Variants in PRADC1 observed in about 807,000 individuals in gnomAD.
The protein encoded by PRADC1 is protease associated domain containing 1.
PRADC1 carries 23 observed loss-of-function variants against 22.9 expected under a neutral mutation model. That is an observed-to-expected ratio of 1.00 (90% CI 0.72 to 1.42). The LOEUF (loss-of-function observed/expected upper bound fraction) is 1.42. PRADC1 is among the 40% of genes most tolerant of loss of function. The pLI is 0.00. For missense variants in PRADC1, 207 were observed against 258.3 expected, an observed-to-expected ratio of 0.80 and a Z score of 1.36; for synonymous variants, 71 against 100.3, an observed-to-expected ratio of 0.71 and a Z score of 1.75.
rs750415387 is a variant in PRADC1, at chr2:73,228,448, ACT to A, written c.*4_*5del. ...CACTTATGGCTGGAATGTGGGACAA[ACT>A]CTTCTACCAGAAGGTCCAGGGCGGT... On this transcript the variant is annotated 3_prime_UTR_variant, in exon 5 of 5. Coordinates refer to ENST00000258083, the MANE Select transcript of PRADC1 (RefSeq NM_032319.3). The surrounding 1 kb of genome is among the most constrained non-coding windows in gnomAD (Gnocchi z 4.0). 1 of 1,613,676 alleles carries A rather than the reference ACT, an allele frequency of 6.2e-7. No homozygotes were observed. Among genetic ancestry groups the A allele is most frequent in the Admixed American group, 1.7e-5 (1 of 60,004 alleles).
intron 1 of PRADC1, 80 bp from the exon 2 acceptor site, chr2:73,230,293 G>T: frequency 9.6e-7 from 1 of 1,037,090 alleles, no homozygotes; most frequent in Non-Finnish European, 1.5e-6. Context: ...TGTGTCTTCA[G>T]CTGGGCTGGC....
chr2:73,233,069 C>T, intron 1 of PRADC1, 25 bp downstream of exon 1: 2 of 1,533,164 alleles, frequency 1.3e-6, no homozygotes, highest in Non-Finnish European at 1.7e-6. Context: ...CGCCCTGCAA[C>T]GCAGTCCCAC....
rs144628724 is a variant in PRADC1, at chr2:73,228,682, C to T, written c.447-108G>A. On this transcript the variant is annotated intron_variant, in intron 4 of 4. Transcript: ENST00000258083. The surrounding 1 kb of genome is among the most constrained non-coding windows in gnomAD (Gnocchi z 4.0). ...CCAAAGCCCGAGATCTTTTTTTGCC[C>T]TCTAACTGAAGCACCCCAAGTTGAG... 3.8e-4 allele frequency: 607 copies of T among 1,590,622 alleles called. 5 individuals are homozygous for T. In the East Asian group the frequency reaches 0.01, roughly 27 times the overall value.
At chr2:73,229,317 C>A in intron 3 of PRADC1, 144 bp downstream of exon 3, 1 of 693,450 alleles carries the variant, frequency 1.4e-6, no homozygotes, top group Non-Finnish European at 2.5e-6. Context: ...AGGGTTTCTC[C>A]ATGTTGCCCA....
intron 3 of PRADC1, 50 bp from the exon 4 acceptor site, chr2:73,229,012 C>G (rs1686576471): frequency 2.6e-6 from 4 of 1,560,812 alleles, no homozygotes; most frequent in Admixed American, 3.7e-5. Flanking sequence ...CTAGCTCCCC[C>G]TTCCCCAGAC....
At position 73,228,668 on chromosome 2, in the gene PRADC1, G is replaced by A. The variant is rs1370599858; in HGVS notation, c.447-94C>T. ...TCAATCTGGGAGTTCCAAAGCCCGA[G>A]ATCTTTTTTTGCCCTCTAACTGAAG... On this transcript the variant is annotated intron_variant, in intron 4 of 4. Coordinates refer to ENST00000258083, the MANE Select transcript of PRADC1 (RefSeq NM_032319.3). This position sits in a 1 kb window ranked among gnomAD's most constrained non-coding sequence, Gnocchi z 4.0. 5.6e-6 allele frequency: 9 copies of A among 1,598,566 alleles called. No individual in the cohort carries two copies. The African/African-American group carries it at 9.4e-5, about 17-fold the overall frequency.
chr2:73,230,720 A>G (rs72905348), intron 1 of PRADC1, among the ~76,000 whole-genome samples: 2 of 152,242 alleles, frequency 1.3e-5, no homozygotes, highest in African/African-American at 2.4e-5. Flanking sequence ...TTATGAGCAC[A>G]TCACCATACC....
chr2:73,228,608 C>G lies in PRADC1; in HGVS notation c.447-34G>C. On this transcript the variant is annotated intron_variant, in intron 4 of 4. Coordinates refer to ENST00000258083, the MANE Select transcript of PRADC1 (RefSeq NM_032319.3). The surrounding 1 kb of genome is among the most constrained non-coding windows in gnomAD (Gnocchi z 4.0). ...GCATGAAGAGAGGTGGTGACGGTCACTTTCTTGGTACCCCATCATGCCCCA... is the reference window on the plus strand; with the variant it reads ...GCATGAAGAGAGGTGGTGACGGTCAGTTTCTTGGTACCCCATCATGCCCCA... 1 of 1,613,726 alleles carries G rather than the reference C, an allele frequency of 6.2e-7. No individual in the cohort carries two copies. Among genetic ancestry groups the G allele is most frequent in the South Asian group, 1.1e-5 (1 of 91,068 alleles).
At position 73,229,675 on chromosome 2, in the gene PRADC1, G is replaced by A. The variant is rs1686598771; in HGVS notation, c.169-105C>T. 2.1e-5 allele frequency: 18 copies of A among 839,922 alleles called. No individual in the cohort carries two copies. The South Asian group carries it at 2.7e-4, about 13-fold the overall frequency. 52.0% of individuals were successfully genotyped at this position (839,922 alleles called of 1,614,324 possible). A position where few individuals can be genotyped will look rare whatever the true frequency, so the allele number is the denominator to read the frequency against. Reference sequence around the variant, plus strand: ...TATTGGCACCTTATAAAGTGTGAAGGAAACATGGAGTGGTTTCTGTATCGC... The same window carrying A: ...TATTGGCACCTTATAAAGTGTGAAGAAAACATGGAGTGGTTTCTGTATCGC... On this transcript the variant is annotated intron_variant, in intron 2 of 4. Coordinates refer to ENST00000258083, the MANE Select transcript of PRADC1 (RefSeq NM_032319.3).
rs1027647131 is a variant in PRADC1 at position 73,228,695 on chromosome 2, A to G, written c.446+100T>C. ...TCTTTTTTTGCCCTCTAACTGAAGCACCCCAAGTTGAGGCCTGCAAGAAGG... is the reference window on the plus strand; with the variant it reads ...TCTTTTTTTGCCCTCTAACTGAAGCGCCCCAAGTTGAGGCCTGCAAGAAGG... On this transcript the variant is annotated intron_variant, in intron 4 of 4. Transcript: ENST00000258083. This position sits in a 1 kb window ranked among gnomAD's most constrained non-coding sequence, Gnocchi z 4.0. The G allele has an allele frequency of 1.9e-6, 3 of 1,584,756 alleles. No homozygotes were observed. The highest frequency in any genetic ancestry group is 2.6e-6 in the Non-Finnish European group (3 of 1,161,704).
At chr2:73,232,101 C>T (rs1686654017) in intron 1 of PRADC1, among the ~76,000 whole-genome samples, 1 of 151,970 alleles carries the variant, frequency 6.6e-6, no homozygotes, top group African/African-American at 2.4e-5. Flanking sequence ...TTTGGGAGGC[C>T]GAGGCGGGCA....
chr2:73,230,367 T>C lies in PRADC1; in HGVS notation c.68-154A>G, dbSNP rs972290499. Among the ~76,000 whole-genome samples, 10 of 152,216 alleles carry C rather than the reference T, an allele frequency of 6.6e-5. No homozygotes were observed. The East Asian group carries it at 1.7e-3, about 26-fold the overall frequency. ...GTCCACTAGTGGCAGGGTTGGGGGC[T>C]AGATGGCCTCTGTCCTGGGGAGGAT... On this transcript the variant is annotated intron_variant, in intron 1 of 4. Transcript: ENST00000258083.
chr2:73,233,280 G>T, upstream of PRADC1: 1 of 629,996 alleles, frequency 1.6e-6, no homozygotes, highest in Non-Finnish European at 2.5e-6. Flanking sequence ...CTCTCGCCGC[G>T]GGCTGGACGA....
chr2:73,230,038 T>C, intron 2 of PRADC1, 75 bp downstream of exon 2: 1 of 1,017,842 alleles, frequency 9.8e-7, no homozygotes, highest in Admixed American at 1.7e-5. Context: ...TCAGGTGGGA[T>C]GAGAGGGTCA....
chr2:73,228,937 G>C lies in PRADC1; in HGVS notation c.304C>G (p.Arg102Gly). ...CGCCCGCCGTGCTCCTGGACCACCC[G>C]AGTCTTGGAGAGGAAGGAGCAGCCC... is the stretch of plus-strand genomic sequence containing the variant. ...RGGCSFLSKT[R>G]VVQEHGGRAV... The change falls in exon 4 of 5, where the codon CGG becomes GGG. Residue 102 changes from arginine (R) to glycine (G), a missense_variant. Coordinates refer to ENST00000258083, the MANE Select transcript of PRADC1 (RefSeq NM_032319.3). The surrounding 1 kb of genome is among the most constrained non-coding windows in gnomAD (Gnocchi z 4.0). 1 of 1,613,894 alleles carries C rather than the reference G, an allele frequency of 6.2e-7. No homozygotes were observed. Among genetic ancestry groups the C allele is most frequent in the Non-Finnish European group, 8.5e-7 (1 of 1,179,990 alleles).
intron 1 of PRADC1, among the ~76,000 whole-genome samples, chr2:73,232,349 A>G (rs894030524): frequency 9.5e-4 from 145 of 152,056 alleles, no homozygotes; most frequent in African/African-American, 3.4e-3. Flanking sequence ...AAAAAAAAAA[A>G]AGAAAAAAAG....
rs961213668 is a variant in PRADC1, at chr2:73,228,742, C to T, written c.446+53G>A. The T allele has an allele frequency of 1.9e-5, 30 of 1,591,348 alleles. No homozygotes were observed. The African/African-American group carries it at 3.5e-4, about 19-fold the overall frequency. On this transcript the variant is annotated intron_variant, in intron 4 of 4. Transcript: ENST00000258083. The surrounding 1 kb of genome is among the most constrained non-coding windows in gnomAD (Gnocchi z 4.0). ...AAGGGACTGGTGATTACCCCTGACCCAGTCATGGCGCCCAGCCTGGTGCTG... is the reference window on the plus strand; with the variant it reads ...AAGGGACTGGTGATTACCCCTGACCTAGTCATGGCGCCCAGCCTGGTGCTG...
At chr2:73,230,266 G>T in intron 1 of PRADC1, 53 bp from the exon 2 acceptor site, 2 of 1,335,114 alleles carry the variant, frequency 1.5e-6, no homozygotes, top group South Asian at 2.4e-5. Context: ...GCTGGTTCAG[G>T]TTCAGATCCC....
At chr2:73,232,106 C>T (rs1328457367) in intron 1 of PRADC1, among the ~76,000 whole-genome samples, 6 of 152,082 alleles carry the variant, frequency 3.9e-5, no homozygotes, top group Non-Finnish European at 5.9e-5. Flanking sequence ...GAGGCCGAGG[C>T]GGGCAGATCA....
Sources: gnomAD v4.1 joint callset for allele counts (sites outside exome capture counted in the v4.1 genomes callset) on GRCh38, gnomAD v4.1.1 for gene constraint, Gnocchi (gnomAD v3.1) non-coding constraint, MANE v1.5 for transcripts, NCBI Gene and HGNC (gene_info 2026-07-23, HGNC 2026-07-21) for gene names.